MDGA2: variants seen among roughly 807,000 people sequenced by gnomAD.
The protein encoded by MDGA2 is MAM domain containing glycosylphosphatidylinositol anchor 2.
MDGA2 carries 40 observed loss-of-function variants against 117.8 expected under a neutral mutation model. That is an observed-to-expected ratio of 0.34 (90% confidence interval 0.26 to 0.44). The LOEUF (loss-of-function observed/expected upper bound fraction) is 0.44. MDGA2 is among the 20% of genes least tolerant of loss of function. The probability of loss-of-function intolerance (pLI) is 1.00; values close to 1 mark genes in which losing one functional copy is unlikely to be tolerated. For synonymous variants in MDGA2, 452 were observed against 439.0 expected (o/e 1.03, Z -0.37); for missense variants, 1,123 against 1,250.6 (o/e 0.90, Z 1.54).
intron 8 of MDGA2, among the ~76,000 whole-genome samples, chr14:46,971,757 G>A (rs1394816114): frequency 6.6e-6 from 1 of 152,108 alleles, no homozygotes; most frequent in Non-Finnish European, 1.5e-5. Flanking sequence ...ATAGCTAAAA[G>A]AGCTATGTAT....
intron 5 of MDGA2, among the ~76,000 whole-genome samples, chr14:47,113,989 A>C (rs1453458667): frequency 1.3e-5 from 2 of 152,152 alleles, no homozygotes; most frequent in Admixed American, 6.5e-5. Flanking sequence ...AGATGACACG[A>C]TCCTACATCT....
intron 1 of MDGA2, among the ~76,000 whole-genome samples, chr14:47,475,851 C>T (rs1001001603): frequency 1.3e-5 from 2 of 151,912 alleles, no homozygotes; most frequent in East Asian, 3.9e-4. Flanking sequence ...TCAGAAAGAA[C>T]AGAAAAGGCA....
chr14:47,216,801 G>A (rs902032288), intron 3 of MDGA2, among the ~76,000 whole-genome samples: 1 of 152,034 alleles, frequency 6.6e-6, no homozygotes, highest in African/African-American at 2.4e-5. Context: ...CAGGAAAATG[G>A]AAGCCAGGGG....
intron 1 of MDGA2, among the ~76,000 whole-genome samples, chr14:47,613,653 C>A (rs868745681): frequency 2.0e-5 from 3 of 152,050 alleles, no homozygotes; most frequent in African/African-American, 7.2e-5. Flanking sequence ...ATGTTATCTG[C>A]ACATACATTT....
intron 1 of MDGA2, among the ~76,000 whole-genome samples, chr14:47,377,263 A>G (rs1428171801): frequency 6.6e-6 from 1 of 152,198 alleles, no homozygotes; most frequent in Non-Finnish European, 1.5e-5. Context: ...AGATGGCCAA[A>G]TAGAAACAGC....
intron 1 of MDGA2, among the ~76,000 whole-genome samples, chr14:47,669,653 A>G (rs1898039838): frequency 6.6e-6 from 1 of 152,310 alleles, no homozygotes; most frequent in Non-Finnish European, 1.5e-5. Flanking sequence ...TGGTGACAAT[A>G]TAAGAATGTG....
At chr14:47,167,426 T>C (rs924070102) in intron 3 of MDGA2, among the ~76,000 whole-genome samples, 12 of 152,216 alleles carry the variant, frequency 7.9e-5, no homozygotes, top group South Asian at 6.2e-4. Flanking sequence ...TCCAAGCCAG[T>C]TGATTGTGAA....
At chr14:47,572,092 T>C (rs1896031311) in intron 1 of MDGA2, among the ~76,000 whole-genome samples, 1 of 152,224 alleles carries the variant, frequency 6.6e-6, no homozygotes, top group South Asian at 2.1e-4. Context: ...TCTGTTTTAC[T>C]GCAGAAAGAA....
At chr14:46,990,891 C>T (rs1414396066) in intron 8 of MDGA2, among the ~76,000 whole-genome samples, 1 of 146,226 alleles carries the variant, frequency 6.8e-6, no homozygotes, top group African/African-American at 2.6e-5. Flanking sequence ...CACACACACA[C>T]ACACACACAC....
intron 2 of MDGA2, among the ~76,000 whole-genome samples, chr14:47,262,708 T>C (rs909313221): frequency 6.6e-6 from 1 of 152,154 alleles, no homozygotes; most frequent in African/African-American, 2.4e-5. Flanking sequence ...ACAGGAAAGT[T>C]AAGACCAAAA....
chr14:46,876,411 T>G (rs2138373686), intron 12 of MDGA2, among the ~76,000 whole-genome samples: 1 of 151,636 alleles, frequency 6.6e-6, no homozygotes, highest in South Asian at 2.1e-4. Context: ...GATAACGCAA[T>G]GAGCTGTACA....
In MDGA2 at chr14:47,111,422, C is replaced by A. The variant is rs769361941; in HGVS notation, c.926-14299G>T. Among the ~76,000 whole-genome samples, 33 of 151,600 alleles carry A rather than the reference C, an allele frequency of 2.2e-4. 1 individual carries two copies. The highest frequency in any genetic ancestry group is 3.5e-4 in the Non-Finnish European group (24 of 67,934). On this transcript the variant is annotated intron_variant, in intron 5 of 16. Coordinates refer to ENST00000399232, the MANE Select transcript of MDGA2 (RefSeq NM_001113498.3). ...ACAGAAAGAAGGAATAGCATTGATGCCATCTAGTATATTATGAAAAAATTG... is the reference window on the plus strand; with the variant it reads ...ACAGAAAGAAGGAATAGCATTGATGACATCTAGTATATTATGAAAAAATTG...
intron 1 of MDGA2, among the ~76,000 whole-genome samples, chr14:47,611,567 A>C (rs1049332547): frequency 2.0e-5 from 3 of 152,196 alleles, no homozygotes; most frequent in African/African-American, 7.2e-5. Flanking sequence ...GACAATTCTC[A>C]AAAGAAGATA....
chr14:47,671,668 AT>A (rs1898078364), intron 1 of MDGA2, among the ~76,000 whole-genome samples: 1 of 152,188 alleles, frequency 6.6e-6, no homozygotes, highest in Non-Finnish European at 1.5e-5. Context: ...AGGAATACAG[AT>A]TTTTATGCTA....
intron 3 of MDGA2, among the ~76,000 whole-genome samples, chr14:47,160,487 G>A (rs1004848400): frequency 3.3e-5 from 5 of 152,020 alleles, no homozygotes; most frequent in African/African-American, 7.2e-5. Flanking sequence ...GGAACATAGC[G>A]AAACCCTGCC....
chr14:47,144,280 G>A lies in MDGA2; in HGVS notation c.596-6C>T. The A allele has an allele frequency of 6.5e-7, 1 of 1,541,072 alleles. No homozygotes were observed. The highest frequency in any genetic ancestry group is 8.8e-7 in the Non-Finnish European group (1 of 1,141,292). On this transcript the variant is annotated splice_polypyrimidine_tract_variant and splice_region_variant and intron_variant, in intron 3 of 16. Coordinates refer to ENST00000399232, the MANE Select transcript of MDGA2 (RefSeq NM_001113498.3). ...TACTACTGGATCATCCAAATCTAAAGGAAATAAAAACAACCAAATGGCAAT... is the reference window on the plus strand; with the variant it reads ...TACTACTGGATCATCCAAATCTAAAAGAAATAAAAACAACCAAATGGCAAT...
At chr14:47,386,162 A>G (rs547311353) in intron 1 of MDGA2, among the ~76,000 whole-genome samples, 2 of 152,114 alleles carry the variant, frequency 1.3e-5, no homozygotes, top group Non-Finnish European at 2.9e-5. Flanking sequence ...GGCACCTGTA[A>G]TCCCAGCTAC....
intron 16 of MDGA2, among the ~76,000 whole-genome samples, chr14:46,844,716 C>A (rs928232602): frequency 2.0e-5 from 3 of 152,000 alleles, no homozygotes; most frequent in Non-Finnish European, 4.4e-5. Context: ...CTGCATAATC[C>A]CCATGTTTCA....
intron 1 of MDGA2, among the ~76,000 whole-genome samples, chr14:47,558,302 C>T (rs1026266504): frequency 1.3e-5 from 2 of 152,100 alleles, no homozygotes; most frequent in East Asian, 3.8e-4. Context: ...AGAATTAGTC[C>T]ACTTTGATAT....
Sources: gnomAD v4.1 joint callset for allele counts (sites outside exome capture counted in the v4.1 genomes callset) on GRCh38, gnomAD v4.1.1 for gene constraint, MANE v1.5 for transcripts, NCBI Gene and HGNC (gene_info 2026-07-23, HGNC 2026-07-21) for gene names.